Variants in SPG7 observed in about 807,000 individuals in gnomAD.
The protein encoded by SPG7 is mitochondrial inner membrane m-AAA protease component paraplegin.
In SPG7, 103 loss-of-function variants were observed where a neutral mutation model predicts 81.9. The observed-to-expected ratio is 1.26, with a 90% confidence interval of 1.07 to 1.48. The LOEUF is 1.48. SPG7 is among the 40% of genes most tolerant of loss of function. The pLI is 0.00. For missense variants in SPG7, 1,241 were observed against 1,087.3 expected (o/e 1.14, Z -1.99); for synonymous variants, 534 against 444.2 (o/e 1.20, Z -2.54).
chr16:89,523,896 A>G (rs770325792), intron 3 of SPG7, 110 bp from the exon 4 acceptor site: 8 of 1,349,768 alleles, frequency 5.9e-6, no homozygotes, highest in Non-Finnish European at 3.1e-6. Flanking sequence ...TCTTCTGTGC[A>G]GGACGCTGCC....
At chr16:89,545,523 AG>A (rs924429313) in intron 10 of SPG7, 4 of 197,916 alleles carry the variant, frequency 2.0e-5, no homozygotes, top group African/African-American at 7.2e-5. Flanking sequence ...CGGCTTCTCC[AG>A]GGGACACTGC....
At chr16:89,554,885 A>C in intron 16 of SPG7, 1 of 290,142 alleles carries the variant, frequency 3.4e-6, no homozygotes, top group South Asian at 4.1e-5. Context: ...CATTTTTTTA[A>C]AACAAAGCTT....
chr16:89,525,140 T>C (rs1182367503), intron 4 of SPG7, among the ~76,000 whole-genome samples: 1 of 151,942 alleles, frequency 6.6e-6, no homozygotes, highest in Non-Finnish European at 1.5e-5. Context: ...TTAAATTTTT[T>C]GTTTTTTTGG....
intron 9 of SPG7, chr16:89,540,811 A>T: frequency 1.2e-6 from 1 of 828,816 alleles, no homozygotes; most frequent in Non-Finnish European, 1.5e-6. Flanking sequence ...TGCTCATCCC[A>T]GGAAAGCAAA....
intron 1 of SPG7, chr16:89,508,966 A>G (rs986776946): frequency 2.0e-6 from 1 of 493,456 alleles, no homozygotes; most frequent in African/African-American, 1.9e-5. Context: ...TTCCGTCACC[A>G]GGAATTCCAG....
At chr16:89,513,372 C>G (rs767199876) in intron 3 of SPG7, among the ~76,000 whole-genome samples, 15 of 151,970 alleles carry the variant, frequency 9.9e-5, no homozygotes, top group Non-Finnish European at 1.5e-4. Flanking sequence ...GAAAATTAGC[C>G]GGGCGTGATG....
At chr16:89,514,944 T>G (rs1459914490) in intron 3 of SPG7, among the ~76,000 whole-genome samples, 1 of 150,104 alleles carries the variant, frequency 6.7e-6, no homozygotes, top group East Asian at 2.0e-4. Context: ...CCTTTTTTTT[T>G]TTTTTTTTTT....
chr16:89,545,927 A>T (rs1357430628), intron 10 of SPG7: 1 of 452,710 alleles, frequency 2.2e-6, no homozygotes, highest in Admixed American at 2.4e-5. Context: ...ATCACCACTC[A>T]CTGCGGCCTC....
At chr16:89,546,910 G>A (rs2058571665) in intron 11 of SPG7, 150 bp downstream of exon 11, 2 of 676,266 alleles carry the variant, frequency 3.0e-6, no homozygotes, top group Admixed American at 2.1e-5. Flanking sequence ...GGGAGCTGAT[G>A]TGTATGTGGG....
At chr16:89,555,453 T>C (rs1288165155) in intron 16 of SPG7, 2 of 159,442 alleles carry the variant, frequency 1.3e-5, no homozygotes, top group African/African-American at 4.8e-5. Context: ...CTCGCTCCCG[T>C]GGAGGCCCCC....
intron 9 of SPG7, chr16:89,533,580 C>T (rs1230698301): frequency 2.0e-5 from 3 of 152,108 alleles, no homozygotes; most frequent in South Asian, 4.1e-4. Flanking sequence ...ATGAGTCTGT[C>T]TGGTTGTGCT....
chr16:89,525,560 C>A (rs1310828930), intron 4 of SPG7, among the ~76,000 whole-genome samples: 2 of 152,158 alleles, frequency 1.3e-5, no homozygotes, highest in African/African-American at 4.8e-5. Flanking sequence ...TTCCAGTTAA[C>A]CTCAAAGAGA....
rs1254356298 is a variant in SPG7 at position 89,524,206 on chromosome 16, G to A, written c.577G>A (p.Glu193Lys). The A allele has an allele frequency of 2.5e-6, 4 of 1,613,522 alleles. No individual in the cohort carries two copies. The highest frequency in any genetic ancestry group is 3.4e-6 in the Non-Finnish European group (4 of 1,179,956). The part of the protein sequence containing the change: ...VQVVPESDVV[E>K]VYLHPGAVVF... ...GGTGGTGCCTGAGAGCGACGTGGTG[G>A]AAGTCTACCTGCACCCTGGAGCCGT... The change falls in exon 4 of 17, where the codon GAA becomes AAA. Residue 193 changes from glutamate to lysine, a missense_variant. Physicochemically the swap from Glu to Lys is moderately conservative, Grantham distance 56. Coordinates refer to ENST00000645818, the MANE Select transcript of SPG7 (RefSeq NM_003119.4).
chr16:89,532,739 C>T (rs978601095), intron 9 of SPG7, 103 bp downstream of exon 9: 20 of 1,377,244 alleles, frequency 1.5e-5, no homozygotes, highest in African/African-American at 2.9e-5. Context: ...CACTGCACTC[C>T]GGCCTGGGTG....
chr16:89,520,890 G>T (rs1181727025), intron 3 of SPG7: 1 of 152,170 alleles, frequency 6.6e-6, no homozygotes, highest in South Asian at 2.1e-4. Flanking sequence ...TTCAGAAGTA[G>T]GATTTTTGAA....
chr16:89,553,313 G>C (rs1191987445), intron 14 of SPG7, 178 bp downstream of exon 14: 1 of 714,298 alleles, frequency 1.4e-6, no homozygotes, highest in African/African-American at 1.8e-5. Flanking sequence ...AGACTTCTTA[G>C]ATAATTTAAT....
intron 16 of SPG7, 152 bp downstream of exon 16, chr16:89,554,715 T>TA (rs1247646810): frequency 1.2e-5 from 8 of 659,096 alleles, no homozygotes; most frequent in Non-Finnish European, 2.2e-5. Context: ...AACTGAAACT[T>TA]ACGTGTTCCA....
chr16:89,550,546 GT>G lies in SPG7; in HGVS notation c.1719del (p.His574MetfsTer18). The part of the protein sequence containing the change: ...LSKEEQKVVA[F>X]HESGHALVGW... ...CCAAGGAAGAACAGAAAGTGGTTGCGTTTCATGAGTCGGGCCACGCCTTGGT... is the reference window on the plus strand; with the variant it reads ...CCAAGGAAGAACAGAAAGTGGTTGCGTTCATGAGTCGGGCCACGCCTTGGT... On this transcript the variant is annotated frameshift_variant, in exon 13 of 17. Coordinates refer to ENST00000645818, the MANE Select transcript of SPG7 (RefSeq NM_003119.4). LOFTEE classifies it high-confidence loss of function. The G allele has an allele frequency of 6.2e-7, 1 of 1,614,040 alleles. No homozygotes were observed. Among genetic ancestry groups the G allele is most frequent in the Non-Finnish European group, 8.5e-7 (1 of 1,180,014 alleles).
chr16:89,512,840 C>T, intron 2 of SPG7, 108 bp from the exon 3 acceptor site: 3 of 1,192,812 alleles, frequency 2.5e-6, no homozygotes, highest in Non-Finnish European at 3.7e-6. Flanking sequence ...GTAGGTTTTT[C>T]AGATGGTTTT....
Sources: allele counts gnomAD v4.1 joint callset (sites outside exome capture counted in the v4.1 genomes callset), GRCh38; gene constraint gnomAD v4.1.1; transcripts MANE v1.5; gene names NCBI Gene and HGNC (gene_info 2026-07-23, HGNC 2026-07-21).